Variants in CTNNA3 observed in about 807,000 individuals in gnomAD.
CTNNA3 encodes the protein catenin alpha-3.
In CTNNA3, 76 loss-of-function variants were observed where a neutral mutation model predicts 95.7. The ratio of observed to expected loss-of-function variants is 0.79; its 90% CI spans 0.66 to 0.96. CTNNA3 has a LOEUF of 0.96. Among genes scored for constraint, CTNNA3 ranks in the 40% least tolerant of loss-of-function variants. CTNNA3 has a pLI of 0.00. For missense variants in CTNNA3, 1,191 were observed against 1,089.8 expected (o/e 1.09, Z -1.31); for synonymous variants, 431 against 374.4 (o/e 1.15, Z -1.74).
intron 6 of CTNNA3, among the ~76,000 whole-genome samples, chr10:67,183,251 G>A (rs997645534): frequency 1.3e-5 from 2 of 152,144 alleles, no homozygotes; most frequent in Non-Finnish European, 2.9e-5. Context: ...TATGTTTATT[G>A]CGGCACTATT....
intron 3 of CTNNA3, among the ~76,000 whole-genome samples, chr10:67,584,623 A>C (rs1842553983): frequency 6.6e-6 from 1 of 152,150 alleles, no homozygotes; most frequent in South Asian, 2.1e-4. Context: ...AAGTCTGCAG[A>C]AGTTTCTGCT....
chr10:66,393,284 C>A (rs2092948234), intron 11 of CTNNA3, among the ~76,000 whole-genome samples: 1 of 151,918 alleles, frequency 6.6e-6, no homozygotes, highest in Non-Finnish European at 1.5e-5. Flanking sequence ...TGTAATACTG[C>A]AGTGGTGAAT....
chr10:66,753,381 G>A (rs141401655), intron 9 of CTNNA3, among the ~76,000 whole-genome samples: 1 of 152,050 alleles, frequency 6.6e-6, no homozygotes, highest in South Asian at 2.1e-4. Flanking sequence ...ACAAATAACA[G>A]GCCAGGCACG....
At chr10:67,183,459 T>C (rs1012430938) in intron 6 of CTNNA3, among the ~76,000 whole-genome samples, 2 of 151,472 alleles carry the variant, frequency 1.3e-5, no homozygotes, top group African/African-American at 2.4e-5. Flanking sequence ...AAACACCGCA[T>C]GCTCTCACTC....
At chr10:65,935,144 T>G (rs1394605077) in intron 17 of CTNNA3, among the ~76,000 whole-genome samples, 1 of 152,146 alleles carries the variant, frequency 6.6e-6, no homozygotes, top group East Asian at 1.9e-4. Context: ...TCTAGAAAAT[T>G]TTTGGCTACA....
chr10:67,205,716 C>CA, intron 6 of CTNNA3, among the ~76,000 whole-genome samples: 1 of 151,956 alleles, frequency 6.6e-6, no homozygotes, highest in East Asian at 1.9e-4. Flanking sequence ...ACTAAAACAC[C>CA]AAAAAATGGT....
chr10:66,229,565 C>A (rs1163773736), intron 13 of CTNNA3, among the ~76,000 whole-genome samples: 1 of 151,934 alleles, frequency 6.6e-6, no homozygotes, highest in Non-Finnish European at 1.5e-5. Flanking sequence ...CTCTCTTGGC[C>A]TGTAAGGTTT....
intron 3 of CTNNA3, among the ~76,000 whole-genome samples, chr10:67,541,721 A>G (rs1204321080): frequency 6.6e-6 from 1 of 152,126 alleles, no homozygotes; most frequent in African/African-American, 2.4e-5. Flanking sequence ...AATTTCTAAT[A>G]GAGATGGTAA....
At chr10:67,586,951 T>C (rs1842645677) in intron 3 of CTNNA3, among the ~76,000 whole-genome samples, 1 of 152,170 alleles carries the variant, frequency 6.6e-6, no homozygotes, top group South Asian at 2.1e-4. Flanking sequence ...TCCTCCTTTG[T>C]GAGCTTGCTC....
chr10:67,559,214 G>C (rs770095423), intron 3 of CTNNA3, among the ~76,000 whole-genome samples: 4 of 152,226 alleles, frequency 2.6e-5, no homozygotes, highest in Admixed American at 2.6e-4. Context: ...CCTCACCCCC[G>C]AGCAGCCTAA....
At chr10:66,689,839 A>G (rs1847450521) in intron 9 of CTNNA3, among the ~76,000 whole-genome samples, 1 of 152,232 alleles carries the variant, frequency 6.6e-6, no homozygotes, top group Non-Finnish European at 1.5e-5. Flanking sequence ...AATGAGAAGA[A>G]AATAACTCAG....
chr10:67,075,558 G>GT (rs933417026), intron 7 of CTNNA3, among the ~76,000 whole-genome samples: 1 of 152,166 alleles, frequency 6.6e-6, no homozygotes, highest in Non-Finnish European at 1.5e-5. Context: ...TTCTGCCAAT[G>GT]TTTAACATTT....
intron 13 of CTNNA3, among the ~76,000 whole-genome samples, chr10:66,249,372 C>A (rs1161618770): frequency 1.3e-5 from 2 of 152,002 alleles, no homozygotes; most frequent in African/African-American, 4.8e-5. Flanking sequence ...CAAACTACCC[C>A]CCTGAGAAAG....
chr10:66,843,730 T>A (rs540496302), intron 7 of CTNNA3, among the ~76,000 whole-genome samples: 1 of 152,334 alleles, frequency 6.6e-6, no homozygotes, highest in South Asian at 2.1e-4. Context: ...GAGAAGGACA[T>A]GACCCTTTTA....
At chr10:66,772,441 AAGAG>A in intron 8 of CTNNA3, among the ~76,000 whole-genome samples, 1 of 141,478 alleles carries the variant, frequency 7.1e-6, no homozygotes, top group South Asian at 2.2e-4. Flanking sequence ...AAAAAAAAAA[AAGAG>A]AGAGAGAGAA....
chr10:66,411,040 A>ACATATTTAG (rs2132595330), intron 11 of CTNNA3, among the ~76,000 whole-genome samples: 1 of 152,332 alleles, frequency 6.6e-6, no homozygotes, highest in South Asian at 2.1e-4. Context: ...AACATTCAAC[A>ACATATTTAG]CATATTTAGC....
At chr10:66,673,122 A>G (rs1470731521) in intron 9 of CTNNA3, among the ~76,000 whole-genome samples, 1 of 152,078 alleles carries the variant, frequency 6.6e-6, no homozygotes, top group Non-Finnish European at 1.5e-5. Flanking sequence ...TAAAGTACTG[A>G]TTCAATCTAT....
At chr10:67,202,054 A>G (rs988761734) in intron 6 of CTNNA3, among the ~76,000 whole-genome samples, 5 of 152,178 alleles carry the variant, frequency 3.3e-5, no homozygotes, top group African/African-American at 1.2e-4. Context: ...ATTTTCTTCA[A>G]AGTCAATAGT....
At chr10:65,971,915 A>G (rs1362520681) in intron 16 of CTNNA3, among the ~76,000 whole-genome samples, 1 of 152,156 alleles carries the variant, frequency 6.6e-6, no homozygotes, top group Non-Finnish European at 1.5e-5. Context: ...CCTCAACAAA[A>G]TATTGGCAAA....
Sources: gnomAD v4.1 joint callset for allele counts (sites outside exome capture counted in the v4.1 genomes callset) on GRCh38, gnomAD v4.1.1 for gene constraint, MANE v1.5 for transcripts, NCBI Gene and HGNC (gene_info 2026-07-23, HGNC 2026-07-21) for gene names.